Variants in CTNND2 observed in about 807,000 individuals in gnomAD.
CTNND2 encodes catenin delta-2.
CTNND2 carries 22 observed loss-of-function variants against 144.4 expected under a neutral mutation model. The observed-to-expected ratio is 0.15, with a 90% CI of 0.11 to 0.22. The LOEUF is 0.22. Ranked by LOEUF, CTNND2 falls within the 10% of genes least tolerant of loss-of-function variation. The pLI, the probability that CTNND2 is intolerant of heterozygous loss-of-function variation, is 1.00. For missense variants in CTNND2, 1,353 were observed against 1,618.8 expected, an observed-to-expected ratio of 0.84 and a Z score of 2.82; for synonymous variants, 751 against 695.6, an observed-to-expected ratio of 1.08 and a Z score of -1.25.
At chr5:11,006,640 C>A (rs1740511408) in intron 18 of CTNND2, among the ~76,000 whole-genome samples, 1 of 152,150 alleles carries the variant, frequency 6.6e-6, no homozygotes, top group Non-Finnish European at 1.5e-5. Flanking sequence ...AGTTAGGAGC[C>A]CTTTCCGTGG....
At chr5:11,110,790 T>C (rs1190114857) in intron 14 of CTNND2, 68 bp downstream of exon 14, 9 of 1,431,988 alleles carry the variant, frequency 6.3e-6, no homozygotes, top group Middle Eastern at 1.8e-4. Context: ...TCTCTATATA[T>C]TGAGGATATA....
At chr5:11,453,917 T>C (rs1387958764) in intron 3 of CTNND2, among the ~76,000 whole-genome samples, 2 of 152,232 alleles carry the variant, frequency 1.3e-5, no homozygotes, top group African/African-American at 2.4e-5. Context: ...GATTGTTTTA[T>C]GAAGATTTGA....
At chr5:11,606,537 GA>G (rs1780055119) in intron 2 of CTNND2, among the ~76,000 whole-genome samples, 2 of 152,026 alleles carry the variant, frequency 1.3e-5, no homozygotes, top group Admixed American at 6.6e-5. Context: ...CATTTGGGGA[GA>G]AAAATGGAAA....
intron 12 of CTNND2, among the ~76,000 whole-genome samples, chr5:11,121,999 G>C (rs1276124541): frequency 6.6e-6 from 1 of 152,192 alleles, no homozygotes; most frequent in Admixed American, 6.5e-5. Flanking sequence ...TAGAAAGCGT[G>C]TCATTCTCAT....
chr5:11,757,060 C>A (rs1788982450), intron 1 of CTNND2, among the ~76,000 whole-genome samples: 1 of 151,536 alleles, frequency 6.6e-6, no homozygotes, highest in Non-Finnish European at 1.5e-5. Flanking sequence ...AACATATAGA[C>A]AAATTTCTGA....
intron 10 of CTNND2, among the ~76,000 whole-genome samples, chr5:11,223,188 T>G (rs1292171316): frequency 6.6e-6 from 1 of 152,226 alleles, no homozygotes; most frequent in East Asian, 1.9e-4. Context: ...GCCATGCTCC[T>G]GCAGGAACAC....
chr5:11,617,362 A>T (rs1780628368), intron 2 of CTNND2, among the ~76,000 whole-genome samples: 1 of 151,922 alleles, frequency 6.6e-6, no homozygotes, highest in African/African-American at 2.4e-5. Flanking sequence ...TTTCATTCTC[A>T]CCTCATCTAA....
intron 12 of CTNND2, among the ~76,000 whole-genome samples, chr5:11,129,314 A>ATATAT (rs1755321019): frequency 1.0e-5 from 1 of 99,716 alleles, no homozygotes; most frequent in African/African-American, 4.1e-5. Flanking sequence ...ATATATATAA[A>ATATAT]TATATATAAT....
intron 1 of CTNND2, among the ~76,000 whole-genome samples, chr5:11,853,651 C>T (rs1474060844): frequency 1.3e-5 from 2 of 152,208 alleles, no homozygotes; most frequent in African/African-American, 2.4e-5. Context: ...ATCCACCTCT[C>T]AGACCTGCCC....
chr5:11,537,381 C>G (rs1260428230), intron 3 of CTNND2, among the ~76,000 whole-genome samples: 1 of 151,946 alleles, frequency 6.6e-6, no homozygotes, highest in East Asian at 1.9e-4. Context: ...TTGAACTTAT[C>G]CTTTTTGTTA....
chr5:11,342,273 C>T (rs552312718), intron 9 of CTNND2, among the ~76,000 whole-genome samples: 1 of 152,106 alleles, frequency 6.6e-6, no homozygotes, highest in Non-Finnish European at 1.5e-5. Flanking sequence ...AAACAGCACA[C>T]AAAATATAGT....
At chr5:11,209,586 C>A (rs1738409284) in intron 10 of CTNND2, among the ~76,000 whole-genome samples, 2 of 152,114 alleles carry the variant, frequency 1.3e-5, no homozygotes, top group Non-Finnish European at 2.9e-5. Context: ...AATGAGGAGT[C>A]CTGAACACAA....
chr5:11,900,350 G>T (rs1393139643), intron 1 of CTNND2, among the ~76,000 whole-genome samples: 1 of 152,152 alleles, frequency 6.6e-6, no homozygotes, highest in Non-Finnish European at 1.5e-5. Flanking sequence ...CATAACTGCA[G>T]ATTTTTGTTA....
In CTNND2 at chr5:11,265,126, AAC is replaced by A. The variant is rs1745307561; in HGVS notation, c.1629-28305_1629-28304del. On this transcript the variant is annotated intron_variant, in intron 9 of 21. Coordinates refer to ENST00000304623, the MANE Select transcript of CTNND2 (RefSeq NM_001332.4). ...ATATCAACAAGTTCGAAGCAAAACA[AAC>A]ACAGGCTAAATTGTATTAAATCAAA... 2.0e-5 allele frequency among the ~76,000 whole-genome samples: 3 copies of A among 152,342 alleles called. No homozygotes were observed. In the South Asian group the frequency reaches 6.2e-4, roughly 32 times the overall value.
intron 1 of CTNND2, among the ~76,000 whole-genome samples, chr5:11,741,764 A>G (rs1424341118): frequency 6.7e-6 from 1 of 148,224 alleles, no homozygotes; most frequent in Non-Finnish European, 1.5e-5. Context: ...TATATTATAT[A>G]TATAATATAT....
At chr5:11,771,517 T>A (rs1207061735) in intron 1 of CTNND2, among the ~76,000 whole-genome samples, 1 of 152,104 alleles carries the variant, frequency 6.6e-6, no homozygotes, top group Non-Finnish European at 1.5e-5. Context: ...GAAAAGTCAA[T>A]GTTAAAGGGT....
intron 16 of CTNND2, among the ~76,000 whole-genome samples, chr5:11,060,861 G>T (rs956599126): frequency 2.6e-5 from 4 of 152,186 alleles, no homozygotes; most frequent in Non-Finnish European, 4.4e-5. Flanking sequence ...GCCAAGAAAT[G>T]CTTATCTACC....
intron 9 of CTNND2, among the ~76,000 whole-genome samples, chr5:11,339,398 C>T (rs927305116): frequency 2.6e-5 from 4 of 151,920 alleles, no homozygotes; most frequent in Non-Finnish European, 4.4e-5. Context: ...AGCAGTACCG[C>T]GGGAGGAGGT....
intron 1 of CTNND2, among the ~76,000 whole-genome samples, chr5:11,803,424 A>C (rs1352403265): frequency 6.6e-6 from 1 of 152,228 alleles, no homozygotes; most frequent in African/African-American, 2.4e-5. Context: ...GGGGAAAAGG[A>C]ATCTGAACTG....
Sources: gnomAD v4.1 joint callset for allele counts (sites outside exome capture counted in the v4.1 genomes callset) on GRCh38, gnomAD v4.1.1 for gene constraint, MANE v1.5 for transcripts, NCBI Gene and HGNC (gene_info 2026-07-23, HGNC 2026-07-21) for gene names.